Variants in PRMT7 observed in about 807,000 individuals in gnomAD.
PRMT7 encodes protein arginine methyltransferase 7.
Under a neutral mutation model 85.4 loss-of-function variants are expected in PRMT7, and 75 were observed. That is an observed-to-expected ratio of 0.88 (90% CI 0.73 to 1.06). The LOEUF is 1.06. Ranked by LOEUF, PRMT7 falls within the 50% of genes least tolerant of loss-of-function variation. The pLI, the probability that PRMT7 is intolerant of heterozygous loss-of-function variation, is 0.00. For synonymous variants in PRMT7, 397 were observed against 359.5 expected, an observed-to-expected ratio of 1.10 and a Z score of -1.18; for missense variants, 868 against 915.2, an observed-to-expected ratio of 0.95 and a Z score of 0.67.
In PRMT7 at chr16:68,340,069, C is replaced by T. The variant is rs1205176120; in HGVS notation, c.927+101C>T. The T allele has an allele frequency of 3.2e-6, 4 of 1,252,732 alleles. No homozygotes were observed. In the African/African-American group the frequency reaches 4.6e-5, roughly 14 times the overall value. 77.6% of individuals were successfully genotyped at this position (1,252,732 alleles called of 1,614,324 possible). On this transcript the variant is annotated intron_variant, in intron 9 of 18. Transcript: ENST00000441236. ...CCTTGGACCCAGGAGAATTTAGAGA[C>T]AGGAGGGCTGTGTCAGAATCAAAGA...
In PRMT7 at chr16:68,345,819, G is replaced by T. The variant is rs201182041; in HGVS notation, c.1055+17G>T. On this transcript the variant is annotated intron_variant, in intron 10 of 18. Transcript: ENST00000441236. ...GAGGACCAGGTACGTCGAGCCTCGT[G>T]GGGGTGGAGGATGAGCCTCTGAGAC... is the stretch of plus-strand genomic sequence containing the variant. 5.0e-5 allele frequency: 80 copies of T among 1,613,468 alleles called. No individual in the cohort carries two copies. In the Middle Eastern group the frequency reaches 8.2e-4, roughly 17 times the overall value.
At chr16:68,356,264 C>T (rs2088431894) in intron 17 of PRMT7, among the ~76,000 whole-genome samples, 1 of 152,248 alleles carries the variant, frequency 6.6e-6, no homozygotes, top group Non-Finnish European at 1.5e-5. Flanking sequence ...CAGCCCTGTC[C>T]TGCTCCGGCC....
chr16:68,313,262 G>A (rs2044197634), intron 2 of PRMT7, among the ~76,000 whole-genome samples: 1 of 152,110 alleles, frequency 6.6e-6, no homozygotes, highest in Non-Finnish European at 1.5e-5. Flanking sequence ...ACGTGCCAAT[G>A]TAGTAAAGGT....
chr16:68,344,884 T>C (rs1250093116), intron 9 of PRMT7, among the ~76,000 whole-genome samples: 1 of 149,446 alleles, frequency 6.7e-6, no homozygotes, highest in Non-Finnish European at 1.5e-5. Flanking sequence ...TTGTTAACGT[T>C]TGCCACATCT....
At chr16:68,337,219 T>TA (rs1328608849) in intron 6 of PRMT7, among the ~76,000 whole-genome samples, 1 of 152,212 alleles carries the variant, frequency 6.6e-6, no homozygotes, top group East Asian at 1.9e-4. Context: ...AGTAAACACT[T>TA]ATGATCCCTT....
intron 11 of PRMT7, 63 bp downstream of exon 11, chr16:68,346,343 C>G: frequency 1.2e-6 from 2 of 1,600,784 alleles, no homozygotes; most frequent in South Asian, 2.2e-5. Flanking sequence ...TCCCATGAAC[C>G]CCAGCACTTT....
intron 2 of PRMT7, chr16:68,315,660 G>T: frequency 3.0e-6 from 1 of 336,886 alleles, no homozygotes; most frequent in South Asian, 2.5e-5. Flanking sequence ...GTATGAATCT[G>T]TTGTAGTTTT....
intron 6 of PRMT7, among the ~76,000 whole-genome samples, chr16:68,335,895 G>C (rs1001486593): frequency 2.0e-4 from 31 of 151,554 alleles, no homozygotes; most frequent in African/African-American, 7.5e-4. Flanking sequence ...TCCTGCCTCA[G>C]CCTCTCAAGT....
intron 1 of PRMT7, chr16:68,311,330 A>G: frequency 3.3e-6 from 1 of 306,356 alleles, no homozygotes; most frequent in South Asian, 2.8e-5. Flanking sequence ...CTGTCGCAGT[A>G]CTCGTGCCTG....
intron 9 of PRMT7, among the ~76,000 whole-genome samples, chr16:68,344,365 A>G (rs1011887832): frequency 3.3e-5 from 5 of 152,198 alleles, no homozygotes; most frequent in Admixed American, 6.5e-5. Flanking sequence ...AATATCACTC[A>G]TGGTCCTCCC....
rs773418680 is a variant in PRMT7 at position 68,339,902 on chromosome 16, C to T, written c.861C>T (p.Asp287=). The change falls in exon 9 of 19, where the codon GAC becomes GAT. Residue 287 remains aspartate (D), a synonymous_variant. Transcript: ENST00000441236. ...TCTCGTGGTGGGACATTGAAATGGA[C>T]CCTGAGGGGAAGATCAAGTGCACCA... ...VVLSWWDIEM[D]PEGKIKCTMA... The T allele has an allele frequency of 1.9e-6, 3 of 1,614,164 alleles. No individual in the cohort carries two copies. Among genetic ancestry groups the T allele is most frequent in the East Asian group, 2.2e-5 (1 of 44,878 alleles).
At chr16:68,312,229 A>ATATATATATATATT (rs1419393129) in intron 2 of PRMT7, 53 bp downstream of exon 2, 1 of 112,680 alleles carries the variant, frequency 8.9e-6, no homozygotes, top group African/African-American at 3.7e-5. Flanking sequence ...ATATATATAT[A>ATATATATATATATT]TTTTTTTTTT....
At chr16:68,347,723 G>A (rs565363045) in intron 13 of PRMT7, 45 bp downstream of exon 13, 3 of 1,584,568 alleles carry the variant, frequency 1.9e-6, no homozygotes, top group Non-Finnish European at 2.6e-6. Flanking sequence ...GGACCTGTGG[G>A]GTCTGGGTTG....
chr16:68,329,211 G>C (rs765993215), intron 6 of PRMT7, 37 bp downstream of exon 6: 2 of 1,462,348 alleles, frequency 1.4e-6, no homozygotes, highest in African/African-American at 1.4e-5. Flanking sequence ...AGCTTTGCTT[G>C]CTCTTGTGTG....
chr16:68,356,522 G>A (rs2088528121), intron 17 of PRMT7, among the ~76,000 whole-genome samples, 179 bp from the exon 18 acceptor site: 2 of 152,230 alleles, frequency 1.3e-5, no homozygotes, highest in Non-Finnish European at 2.9e-5. Context: ...GCTTGGCTGC[G>A]GCTCTTCTGG....
chr16:68,324,365 A>G (rs1162224468), intron 4 of PRMT7: 4 of 358,900 alleles, frequency 1.1e-5, no homozygotes, highest in Non-Finnish European at 2.1e-5. Context: ...CTGTCCTCCT[A>G]CCTTCCAGTC....
intron 9 of PRMT7, among the ~76,000 whole-genome samples, chr16:68,343,367 G>A (rs562520583): frequency 1.3e-5 from 2 of 152,316 alleles, no homozygotes; most frequent in Admixed American, 1.3e-4. Flanking sequence ...GTGTCCAGGA[G>A]CAGTAGAGTG....
At chr16:68,340,102 T>A (rs972943153) in intron 9 of PRMT7, 134 bp downstream of exon 9, 1 of 1,049,432 alleles carries the variant, frequency 9.5e-7, no homozygotes, top group African/African-American at 1.6e-5. Context: ...AGACAAAAGT[T>A]TTTAAAAAGC....
intron 12 of PRMT7, 69 bp from the exon 13 acceptor site, chr16:68,347,562 C>T (rs2086606913): frequency 2.0e-6 from 3 of 1,519,134 alleles, no homozygotes; most frequent in Admixed American, 3.4e-5. Context: ...GGTCTTGTCG[C>T]ATTTTAATCT....
Sources: allele counts gnomAD v4.1 joint callset (sites outside exome capture counted in the v4.1 genomes callset), GRCh38; gene constraint gnomAD v4.1.1; transcripts MANE v1.5; gene names NCBI Gene and HGNC (gene_info 2026-07-23, HGNC 2026-07-21).